The following PDGFD variants were observed in gnomAD, a reference collection of about 807,000 sequenced individuals.
PDGFD encodes the protein platelet-derived growth factor D.
PDGFD carries 30 observed loss-of-function variants against 44.7 expected under a neutral mutation model. The ratio of observed to expected loss-of-function variants is 0.67; its 90% CI spans 0.50 to 0.91. The LOEUF (loss-of-function observed/expected upper bound fraction) is 0.91, where lower values mean the gene tolerates loss of function less well. Among genes scored for constraint, PDGFD ranks in the 40% least tolerant of loss-of-function variants. The pLI, the probability that PDGFD is intolerant of heterozygous loss-of-function variation, is 0.00. For missense variants in PDGFD, 445 were observed against 457.8 expected (o/e 0.97, Z 0.25); for synonymous variants, 173 against 168.4 (o/e 1.03, Z -0.21).
At chr11:104,149,262 T>C (rs1408758337) in intron 1 of PDGFD, among the ~76,000 whole-genome samples, 1 of 152,160 alleles carries the variant, frequency 6.6e-6, no homozygotes. Context: ...AAAGGATGTA[T>C]AGAGAAACCA....
chr11:103,969,639 G>A (rs1859074815), intron 3 of PDGFD, among the ~76,000 whole-genome samples: 1 of 151,668 alleles, frequency 6.6e-6, no homozygotes, highest in Admixed American at 6.6e-5. Flanking sequence ...TACTCCTTCA[G>A]GGGCTTTTAA....
chr11:103,927,197 G>T, intron 5 of PDGFD, 71 bp from the exon 6 acceptor site: 4 of 1,352,692 alleles, frequency 3.0e-6, no homozygotes, highest in Non-Finnish European at 4.2e-6. Context: ...GTGTTTTGGG[G>T]AATAGAGTGG....
At chr11:103,931,047 A>T (rs1409303670) in intron 5 of PDGFD, among the ~76,000 whole-genome samples, 1 of 152,182 alleles carries the variant, frequency 6.6e-6, no homozygotes, top group Non-Finnish European at 1.5e-5. Context: ...CTCAGTGGGA[A>T]CAAATGCCAG....
chr11:104,152,952 A>G (rs1862264692), intron 1 of PDGFD, among the ~76,000 whole-genome samples: 1 of 152,154 alleles, frequency 6.6e-6, no homozygotes, highest in Non-Finnish European at 1.5e-5. Context: ...ACTTTATAAT[A>G]TATAGTCATT....
intron 6 of PDGFD, among the ~76,000 whole-genome samples, chr11:103,921,249 G>C (rs1858211546): frequency 6.6e-6 from 1 of 152,122 alleles, no homozygotes. Context: ...TAACAGAAAA[G>C]AGATTTTCTT....
chr11:104,023,984 C>T (rs1030908971), intron 1 of PDGFD, among the ~76,000 whole-genome samples: 1 of 152,056 alleles, frequency 6.6e-6, no homozygotes, highest in African/African-American at 2.4e-5. Flanking sequence ...TAATATGATG[C>T]CAAGCATTTC....
chr11:104,053,479 G>A (rs1263343791), intron 1 of PDGFD, among the ~76,000 whole-genome samples: 1 of 152,168 alleles, frequency 6.6e-6, no homozygotes. Flanking sequence ...ACAGCTTCTA[G>A]AATATATTTA....
chr11:104,016,300 T>C (rs895242571), intron 1 of PDGFD, among the ~76,000 whole-genome samples: 1 of 152,248 alleles, frequency 6.6e-6, no homozygotes, highest in Admixed American at 6.5e-5. Flanking sequence ...CTCCTTAAAA[T>C]GTGACAGCAG....
intron 1 of PDGFD, among the ~76,000 whole-genome samples, chr11:104,072,524 T>C (rs1860896151): frequency 6.6e-6 from 1 of 151,920 alleles, no homozygotes; most frequent in Non-Finnish European, 1.5e-5. Flanking sequence ...CATCTACATA[T>C]AGAAATAGTT....
At chr11:103,928,003 G>A (rs896067584) in intron 5 of PDGFD, among the ~76,000 whole-genome samples, 4 of 152,010 alleles carry the variant, frequency 2.6e-5, no homozygotes, top group Non-Finnish European at 4.4e-5. Context: ...AATATACTAC[G>A]TCTTTCTCCC....
chr11:104,104,432 G>A (rs1861442444), intron 1 of PDGFD, among the ~76,000 whole-genome samples: 1 of 152,088 alleles, frequency 6.6e-6, no homozygotes, highest in African/African-American at 2.4e-5. Context: ...TTCCAGTCCT[G>A]CAAACTCTGC....
intron 3 of PDGFD, among the ~76,000 whole-genome samples, chr11:103,968,347 G>GT (rs1237175902): frequency 6.6e-6 from 1 of 152,076 alleles, no homozygotes; most frequent in Non-Finnish European, 1.5e-5. Flanking sequence ...AGATCAGATC[G>GT]TTTTCCCAAA....
At chr11:104,046,633 T>C (rs1449029016) in intron 1 of PDGFD, among the ~76,000 whole-genome samples, 1 of 147,498 alleles carries the variant, frequency 6.8e-6, no homozygotes, top group African/African-American at 2.5e-5. Context: ...CAGGAAACAG[T>C]GCTTGCTCTT....
chr11:104,111,668 A>G (rs943289710), intron 1 of PDGFD, among the ~76,000 whole-genome samples: 4 of 152,324 alleles, frequency 2.6e-5, no homozygotes, highest in African/African-American at 9.6e-5. Flanking sequence ...GAAAAAATAA[A>G]GTAATGCTGA....
intron 5 of PDGFD, among the ~76,000 whole-genome samples, chr11:103,942,947 C>G (rs1473401573): frequency 6.6e-6 from 1 of 152,066 alleles, no homozygotes. Flanking sequence ...GAAGCTGGTT[C>G]AGATAATTTT....
chr11:104,092,147 A>G (rs556072430), intron 1 of PDGFD, among the ~76,000 whole-genome samples: 52 of 152,278 alleles, frequency 3.4e-4, no homozygotes, highest in African/African-American at 1.2e-3. Context: ...TAGCTAGTGT[A>G]TATCAGTGCC....
At chr11:104,039,565 T>C (rs1860313561) in intron 1 of PDGFD, among the ~76,000 whole-genome samples, 2 of 152,148 alleles carry the variant, frequency 1.3e-5, no homozygotes, top group Admixed American at 6.5e-5. Context: ...ATGCTCACAT[T>C]TCCCAGTCTG....
intron 3 of PDGFD, among the ~76,000 whole-genome samples, chr11:103,985,190 A>AAT (rs1037320176): frequency 7.3e-6 from 1 of 137,178 alleles, no homozygotes; most frequent in Non-Finnish European, 1.6e-5. Flanking sequence ...TTTAATATAT[A>AAT]ATATATATTA....
intron 3 of PDGFD, among the ~76,000 whole-genome samples, chr11:103,970,223 A>T (rs1565164): frequency 0.72 from 109,577 of 151,878 alleles, 40,366 homozygotes; most frequent in East Asian, 0.88. Flanking sequence ...AGTGAAAAAA[A>T]TTCTCTAAAT....
Sources: allele counts gnomAD v4.1 joint callset (sites outside exome capture counted in the v4.1 genomes callset), GRCh38; gene constraint gnomAD v4.1.1; transcripts MANE v1.5; gene names NCBI Gene and HGNC (gene_info 2026-07-23, HGNC 2026-07-21).